Variants in MLPH observed in about 807,000 individuals in gnomAD.
MLPH encodes the protein exophilin-3.
In MLPH, 51 loss-of-function variants were observed where a neutral mutation model predicts 72.1. The ratio of observed to expected loss-of-function variants is 0.71; its 90% CI spans 0.56 to 0.89. MLPH has a LOEUF of 0.89. Ranked by LOEUF, MLPH falls within the 40% of genes least tolerant of loss-of-function variation. The pLI is 0.00. For synonymous variants in MLPH, 301 were observed against 310.1 expected (o/e 0.97, Z 0.31); for missense variants, 743 against 759.9 (o/e 0.98, Z 0.26).
intron 1 of MLPH, among the ~76,000 whole-genome samples, chr2:237,491,767 A>G (rs1444069289): frequency 6.6e-6 from 1 of 152,174 alleles, no homozygotes; most frequent in Admixed American, 6.5e-5. Flanking sequence ...TGTCCACATC[A>G]ATATAAGCTG....
At position 237,540,386 on chromosome 2, in the gene MLPH, G is replaced by A; in HGVS notation, c.1143G>A (p.Glu381=). 6.2e-7 allele frequency: 1 copy of A among 1,612,790 alleles called. No individual in the cohort carries two copies. Among genetic ancestry groups the A allele is most frequent in the Non-Finnish European group, 8.5e-7 (1 of 1,179,982 alleles). Residue 381 remains glutamate (E), a synonymous_variant, in exon 10 of 16, where the codon GAG becomes GAA. Coordinates refer to ENST00000264605, the MANE Select transcript of MLPH (RefSeq NM_024101.7). The stretch of plus-strand genomic sequence containing the variant: ...GAGTGCGCACGGAGGCCGATGTAGA[G>A]GAGGAGGCCCTGAGGAGGAAGCTGG... ...GAGVRTEADV[E]EEALRRKLEE... is the part of the protein sequence containing the mutation.
intron 9 of MLPH, among the ~76,000 whole-genome samples, chr2:237,538,948 G>A (rs1320370889): frequency 1.3e-5 from 2 of 152,220 alleles, no homozygotes; most frequent in Admixed American, 6.5e-5. Flanking sequence ...TGCCGGGGCT[G>A]CCGTGTGGCT....
At position 237,516,996 on chromosome 2, in the gene MLPH, A is replaced by AGTGG. The variant is rs1293828248; in HGVS notation, c.446-1542_446-1539dup. On this transcript the variant is annotated intron_variant, in intron 4 of 15. Transcript: ENST00000264605. ...GGATGGGCAGCTAAGGTGGTAGGTG[A>AGTGG]GTGGATGGATGGATGGATGGATGGA... is the stretch of plus-strand genomic sequence containing the variant. Among the ~76,000 whole-genome samples the AGTGG allele has an allele frequency of 4.1e-3, 235 of 57,884 alleles. 4 individuals carry two copies. The highest frequency in any genetic ancestry group is 0.018 in the African/African-American group (225 of 12,402). The allele number at this position is 57,884 out of a possible 152,430, so 38.0% of individuals were successfully genotyped here.
At chr2:237,486,545 G>A (rs2079322361), upstream of MLPH, 1 of 152,262 alleles carries the variant, frequency 6.6e-6, no homozygotes, top group African/African-American at 2.4e-5. Context: ...GCGGCGCGGA[G>A]CTCCCAGGCG....
chr2:237,509,200 C>T (rs2079839388), intron 2 of MLPH, among the ~76,000 whole-genome samples: 2 of 152,198 alleles, frequency 1.3e-5, no homozygotes, highest in Admixed American at 1.3e-4. Flanking sequence ...ATCTAAAGCA[C>T]AGTACAGTTC....
chr2:237,533,592 A>T (rs79788770), intron 8 of MLPH, among the ~76,000 whole-genome samples: 2,642 of 152,216 alleles, frequency 0.017, 46 homozygotes, highest in South Asian at 0.067. Flanking sequence ...GGCGTTCGCC[A>T]TGTTGGCCAG....
rs768343586 is a variant in MLPH at position 237,549,061 on chromosome 2, G to A, written c.1618-160G>A. ...ATTTCATGCTTAATTTATTGAAAAT[G>A]TCCATTCTCATATTGCTAAAAGTTC... On this transcript the variant is annotated intron_variant, in intron 13 of 15. Coordinates refer to ENST00000264605, the MANE Select transcript of MLPH (RefSeq NM_024101.7). Among the ~76,000 whole-genome samples, 36 of 152,318 alleles carry A rather than the reference G, an allele frequency of 2.4e-4. 1 individual carries two copies. In the Middle Eastern group the frequency reaches 0.01, roughly 43 times the overall value.
rs566714603 is a variant in MLPH, at chr2:237,505,177, G to C, written c.111-5397G>C. 1.3e-5 allele frequency among the ~76,000 whole-genome samples: 2 copies of C among 152,284 alleles called. No homozygotes were observed. The highest frequency in any genetic ancestry group is 2.1e-4 in the South Asian group (1 of 4,824). On this transcript the variant is annotated intron_variant, in intron 2 of 15. Coordinates refer to ENST00000264605, the MANE Select transcript of MLPH (RefSeq NM_024101.7). This position sits in a 1 kb window ranked among gnomAD's most constrained non-coding sequence, Gnocchi z 4.5. Reference sequence around the variant, plus strand: ...CACACACTGTCCCCACCTCCTTGCTGGTCCTGATGCAGAGTGGAGGGCAGG... The same window carrying C: ...CACACACTGTCCCCACCTCCTTGCTCGTCCTGATGCAGAGTGGAGGGCAGG...
rs2081083742 is a variant in MLPH, at chr2:237,553,751, C to T, written c.*159C>T. ...ACATGGACTCCCACCTGCAAGTGGA[C>T]AGCGACATTCAGTCCTGCACTGCTC... On this transcript the variant is annotated 3_prime_UTR_variant, in exon 16 of 16. Coordinates refer to ENST00000264605, the MANE Select transcript of MLPH (RefSeq NM_024101.7). 7 of 953,280 alleles carry T rather than the reference C, an allele frequency of 7.3e-6. No individual in the cohort carries two copies. Among genetic ancestry groups the T allele is most frequent in the Non-Finnish European group, 1.2e-5 (7 of 578,726 alleles). 59.1% of individuals were successfully genotyped at this position (953,280 alleles called of 1,614,324 possible).
intron 4 of MLPH, among the ~76,000 whole-genome samples, chr2:237,513,523 A>C (rs547921070): frequency 4.1e-4 from 62 of 152,212 alleles, no homozygotes; most frequent in African/African-American, 1.4e-3. Flanking sequence ...TCTCTGTTCC[A>C]TGTCAGGAAC....
chr2:237,511,811 T>G (rs1024812032), intron 4 of MLPH, among the ~76,000 whole-genome samples: 1 of 152,198 alleles, frequency 6.6e-6, no homozygotes, highest in African/African-American at 2.4e-5. Context: ...AACTAAACAA[T>G]GTGTTCGCCT....
chr2:237,530,718 A>C (rs1485510842), intron 8 of MLPH, among the ~76,000 whole-genome samples: 1 of 152,246 alleles, frequency 6.6e-6, no homozygotes, highest in Non-Finnish European at 1.5e-5. Context: ...ATTGGGGCCC[A>C]CAATTCCTGA....
chr2:237,526,632 C>T (rs191074480), intron 7 of MLPH, among the ~76,000 whole-genome samples: 1 of 152,296 alleles, frequency 6.6e-6, no homozygotes, highest in Admixed American at 6.5e-5. Context: ...CGACCGGAGG[C>T]AGTCTGGGGG....
rs192478532 is a variant in MLPH at position 237,515,450 on chromosome 2, G to A, written c.446-3089G>A. On this transcript the variant is annotated intron_variant, in intron 4 of 15. Transcript: ENST00000264605. The stretch of plus-strand genomic sequence containing the variant: ...GTGCCTCTGGGAGTGAAAACCACAA[G>A]GGAGGAGTTTCCTGCAGAGGGGCCC... Among the ~76,000 whole-genome samples the A allele has an allele frequency of 2.2e-4, 34 of 152,274 alleles. No homozygotes were observed. The East Asian group carries it at 6.6e-3, about 29-fold the overall frequency.
Position 237,542,636 on chromosome 2 carries a change from C to A in MLPH, c.1516C>A (p.Pro506Thr). ...AGLTVKPSGK[P>T]RRKSNLPIFL... ...GCTCACGGTGAAGCCCTCGGGAAAG[C>A]CCCGGAGGAAGTCAAACCTCCCGGT... is the stretch of plus-strand genomic sequence containing the variant. Residue 506 changes from proline (P) to threonine (T), a missense_variant, in exon 12 of 16, where the codon CCC becomes ACC. Coordinates refer to ENST00000264605, the MANE Select transcript of MLPH (RefSeq NM_024101.7). 6.3e-7 allele frequency: 1 copy of A among 1,591,768 alleles called. No homozygotes were observed. The highest frequency in any genetic ancestry group is 8.5e-7 in the Non-Finnish European group (1 of 1,170,086).
rs143712544 is a variant in MLPH at position 237,536,475 on chromosome 2, G to A, written c.1104+1828G>A. Among the ~76,000 whole-genome samples, 395 of 152,264 alleles carry A rather than the reference G, an allele frequency of 2.6e-3. 1 individual carries two copies. Among genetic ancestry groups the A allele is most frequent in the African/African-American group, 8.8e-3 (367 of 41,540 alleles). ...GCCCAGGCTCTCATGAGTGAGACTC[G>A]GCCCATCACTGACCGGAGAGCACCA... On this transcript the variant is annotated intron_variant, in intron 9 of 15. Coordinates refer to ENST00000264605, the MANE Select transcript of MLPH (RefSeq NM_024101.7).
At chr2:237,538,909 G>T (rs573203196) in intron 9 of MLPH, among the ~76,000 whole-genome samples, 1 of 152,226 alleles carries the variant, frequency 6.6e-6, no homozygotes, top group African/African-American at 2.4e-5. Context: ...CTCACTGAGC[G>T]TGGGATTTGC....
At chr2:237,540,742 C>T in intron 10 of MLPH, 60 bp from the exon 11 acceptor site, 1 of 1,599,586 alleles carries the variant, frequency 6.3e-7, no homozygotes, top group Non-Finnish European at 8.5e-7. Flanking sequence ...GAGTCCCCAT[C>T]TGGGTGAAAC....
At chr2:237,506,128 A>G (rs1204560469) in intron 2 of MLPH, among the ~76,000 whole-genome samples, 1 of 152,244 alleles carries the variant, frequency 6.6e-6, no homozygotes, top group East Asian at 1.9e-4. Context: ...TTCCTAAATT[A>G]CTGAGAACCC....
Sources: gnomAD v4.1 joint callset for allele counts (sites outside exome capture counted in the v4.1 genomes callset) on GRCh38, gnomAD v4.1.1 for gene constraint, Gnocchi (gnomAD v3.1) non-coding constraint, MANE v1.5 for transcripts, NCBI Gene and HGNC (gene_info 2026-07-23, HGNC 2026-07-21) for gene names.